SMG1: variants seen among roughly 807,000 people sequenced by gnomAD.
SMG1 encodes the protein serine/threonine-protein kinase SMG1.
SMG1 carries 22 observed loss-of-function variants against 419.9 expected under a neutral mutation model. The ratio of observed to expected loss-of-function variants is 0.05; its 90% CI spans 0.04 to 0.07. SMG1 has a LOEUF of 0.07. Among genes scored for constraint, SMG1 ranks in the 10% least tolerant of loss-of-function variants. The probability of loss-of-function intolerance (pLI) is 1.00; values close to 1 mark genes in which losing one functional copy is unlikely to be tolerated. For synonymous variants in SMG1, 1,538 were observed against 1,553.5 expected (o/e 0.99, Z 0.23); for missense variants, 3,185 against 4,342.0 (o/e 0.73, Z 7.49).
chr16:18,920,382 CAAAAAAAA>C (rs67904345), intron 1 of SMG1, among the ~76,000 whole-genome samples: 1 of 100,808 alleles, frequency 9.9e-6, no homozygotes, highest in Non-Finnish European at 2.0e-5. Flanking sequence ...AACTCCGTCT[CAAAAAAAA>C]AAAAAAAAAA....
chr16:18,911,204 C>T (rs767664844), intron 1 of SMG1, among the ~76,000 whole-genome samples: 24 of 152,080 alleles, frequency 1.6e-4, no homozygotes, highest in Non-Finnish European at 3.4e-4. Context: ...TGGGAGTACA[C>T]TAGAAAATGT....
chr16:18,832,906 T>TTA, intron 51 of SMG1, 34 bp downstream of exon 51: 1 of 1,582,662 alleles, frequency 6.3e-7, no homozygotes, highest in Non-Finnish European at 8.7e-7. Context: ...CCCATCTCTT[T>TTA]TACAAGGAAA....
Position 18,834,301 on chromosome 16 carries a change from T to C in SMG1, c.8468A>G (p.Lys2823Arg), listed in dbSNP as rs776986897. ...GNVTCLVQLL[K>R]QCHLVPQDLD... The stretch of plus-strand genomic sequence containing the variant: ...GTCCTGTGGCACCAGGTGGCACTGC[T>C]TCAGTAACTGAACCAAGCAGGTGAC... The change falls in exon 50 of 63, where the codon AAG becomes AGG. Residue 2823 changes from lysine (K) to arginine (R), a missense_variant. By Grantham distance (26) the Lys-to-Arg change is conservative. This residue lies in a region of SMG1 where 412 missense variants were observed against 546.6 expected (regional missense o/e 0.75). Transcript: ENST00000446231. 1 of 1,612,772 alleles carries C rather than the reference T, an allele frequency of 6.2e-7. No homozygotes were observed. The highest frequency in any genetic ancestry group is 8.5e-7 in the Non-Finnish European group (1 of 1,179,428).
At chr16:18,921,761 C>T (rs1567469217) in intron 1 of SMG1, among the ~76,000 whole-genome samples, 1 of 152,214 alleles carries the variant, frequency 6.6e-6, no homozygotes, top group Non-Finnish European at 1.5e-5. Flanking sequence ...TCCAGCTTCT[C>T]ACAACATCAG....
chr16:18,862,197 C>G (rs997655890), intron 25 of SMG1, among the ~76,000 whole-genome samples: 17 of 152,168 alleles, frequency 1.1e-4, no homozygotes, highest in Non-Finnish European at 2.2e-4. Context: ...CCTAGAGCAT[C>G]TGACAAGGCT....
At chr16:18,847,051 A>G (rs956009336) in intron 38 of SMG1, among the ~76,000 whole-genome samples, 3 of 63,330 alleles carry the variant, frequency 4.7e-5, no homozygotes, top group African/African-American at 2.1e-4. Context: ...ATTCAGCGAT[A>G]AAAAAATGAA....
intron 1 of SMG1, among the ~76,000 whole-genome samples, chr16:18,901,074 T>A (rs867501935): frequency 1.3e-5 from 2 of 152,088 alleles, no homozygotes; most frequent in Admixed American, 6.5e-5. Context: ...TCAAATTTAA[T>A]AGAACCATTC....
chr16:18,909,287 A>T (rs1249210671), intron 1 of SMG1, among the ~76,000 whole-genome samples: 1 of 152,134 alleles, frequency 6.6e-6, no homozygotes, highest in Non-Finnish European at 1.5e-5. Context: ...GGCTGTGGTG[A>T]GCTGAGACGG....
rs1193241333 is a variant in SMG1 at position 18,863,654 on chromosome 16, T to C, written c.3691A>G (p.Ile1231Val). 1.3e-6 allele frequency: 2 copies of C among 1,594,028 alleles called. No homozygotes were observed. The highest frequency in any genetic ancestry group is 1.1e-5 in the South Asian group (1 of 90,916). ...SLNLKADFNY[I>V]KSLSSFESGK... ...ACTGGAAAAAGTAAGCCTTACTTTA[T>C]ATAGTTGAAGTCAGCTTTCAGGTTG... Residue 1231 changes from isoleucine (I) to valine (V), a missense_variant, in exon 25 of 63, where the codon ATA becomes GTA. Physicochemically the swap from Ile to Val is conservative, Grantham distance 29. Coordinates refer to ENST00000446231, the MANE Select transcript of SMG1 (RefSeq NM_015092.5).
chr16:18,885,405 T>G, intron 7 of SMG1, 136 bp downstream of exon 7: 1 of 1,150,148 alleles, frequency 8.7e-7, no homozygotes, highest in South Asian at 1.2e-5. Flanking sequence ...AATGCGGTAT[T>G]TAACCCTGGA....
At chr16:18,846,764 T>C (rs558191041) in intron 38 of SMG1, among the ~76,000 whole-genome samples, 36 of 152,342 alleles carry the variant, frequency 2.4e-4, no homozygotes, top group African/African-American at 8.4e-4. Context: ...CCCTCATGCA[T>C]GGCTAGGAGG....
chr16:18,850,069 T>G lies in SMG1; in HGVS notation c.5341A>C (p.Thr1781Pro). Residue 1781 changes from threonine (T) to proline (P), a missense_variant, in exon 35 of 63, where the codon ACT becomes CCT. Physicochemically the swap from Thr to Pro is conservative, Grantham distance 38 (BLOSUM62 -1). Coordinates refer to ENST00000446231, the MANE Select transcript of SMG1 (RefSeq NM_015092.5). ...LHLSHRVEQS[T>P]DDMIVMATLR... ...GTGGCCATCACAATCATGTCATCAG[T>G]GCTCTGTTCCACTCTGTGACTTAAA... The G allele has an allele frequency of 6.2e-7, 1 of 1,614,030 alleles. No homozygotes were observed.
intron 6 of SMG1, among the ~76,000 whole-genome samples, 171 bp from the exon 7 acceptor site, chr16:18,885,837 C>A (rs529168244): frequency 6.6e-6 from 1 of 151,958 alleles, no homozygotes; most frequent in East Asian, 1.9e-4. Context: ...TCCCAACTAC[C>A]TGGGAGGCTG....
In SMG1 at chr16:18,808,577, G is replaced by A. The variant is rs2031070099; in HGVS notation, c.*992C>T. ...GAAAGAAACTACAGCTATCACAGAAGAGGGAAAATTTGAATGACCTCCAAA... is the reference window on the plus strand; with the variant it reads ...GAAAGAAACTACAGCTATCACAGAAAAGGGAAAATTTGAATGACCTCCAAA... On this transcript the variant is annotated 3_prime_UTR_variant, in exon 63 of 63. Coordinates refer to ENST00000446231, the MANE Select transcript of SMG1 (RefSeq NM_015092.5). 2.0e-5 allele frequency: 3 copies of A among 152,376 alleles called. No individual in the cohort carries two copies. Among genetic ancestry groups the A allele is most frequent in the South Asian group, 2.1e-4 (1 of 4,826 alleles). The allele number at this position is 152,376 out of a possible 1,614,324, so 9.4% of individuals were successfully genotyped here.
chr16:18,853,840 A>G lies in SMG1; in HGVS notation c.4511T>C (p.Leu1504Ser). Residue 1504 changes from leucine (L) to serine (S), a missense_variant, in exon 31 of 63, where the codon TTG becomes TCG. Transcript: ENST00000446231. ...GCAGAAAGATATGGCACAAGAACTC[A>G]ACATTTCCATTGCATGTGTTGACTG... ...AGQSTHAMEM[L>S]SSCAISFCKS... is the part of the protein sequence containing the mutation. 6.2e-7 allele frequency: 1 copy of G among 1,612,636 alleles called. No individual in the cohort carries two copies. The highest frequency in any genetic ancestry group is 8.5e-7 in the Non-Finnish European group (1 of 1,179,108).
rs1284510105 is a variant in SMG1 at position 18,816,173 on chromosome 16, A to G, written c.10302+129T>C. 6 of 758,778 alleles carry G rather than the reference A, an allele frequency of 7.9e-6. No homozygotes were observed. In the East Asian group the frequency reaches 1.3e-4, roughly 17 times the overall value. 47.0% of individuals were successfully genotyped at this position (758,778 alleles called of 1,614,324 possible). On this transcript the variant is annotated intron_variant, in intron 58 of 62. Transcript: ENST00000446231. ...TGAAAACACAAGTTAACTCAGTTAC[A>G]AACAAATTGGAAGATGTGATGAGAT...
intron 60 of SMG1, 92 bp downstream of exon 60, chr16:18,815,083 G>A: frequency 2.5e-6 from 2 of 793,270 alleles, no homozygotes; most frequent in Non-Finnish European, 4.1e-6. Context: ...CAGGCCTTAA[G>A]TGTTTAATAT....
At chr16:18,815,384 T>C in intron 59 of SMG1, 56 bp downstream of exon 59, 1 of 1,581,092 alleles carries the variant, frequency 6.3e-7, no homozygotes, top group Non-Finnish European at 8.7e-7. Flanking sequence ...ATAAACTTCT[T>C]ATACCAGTAG....
chr16:18,903,673 C>T lies in SMG1; in HGVS notation c.93-6717G>A, dbSNP rs12923950. Reference sequence around the variant, plus strand: ...AATCCTATTAGTTATAACTTGATGACTAAGGTTTCATAACTGGCCTAAGGT... The same window carrying T: ...AATCCTATTAGTTATAACTTGATGATTAAGGTTTCATAACTGGCCTAAGGT... On this transcript the variant is annotated intron_variant, in intron 1 of 62. Coordinates refer to ENST00000446231, the MANE Select transcript of SMG1 (RefSeq NM_015092.5). 3.9e-5 allele frequency among the ~76,000 whole-genome samples: 6 copies of T among 152,206 alleles called. No individual in the cohort carries two copies. The South Asian group carries it at 1.2e-3, about 32-fold the overall frequency.
Sources: allele counts gnomAD v4.1 joint callset (sites outside exome capture counted in the v4.1 genomes callset), GRCh38; gene constraint gnomAD v4.1.1; regional missense constraint gnomAD v4.1.1; transcripts MANE v1.5; gene names NCBI Gene and HGNC (gene_info 2026-07-23, HGNC 2026-07-21).